DNMT3B: variants seen among roughly 807,000 people sequenced by gnomAD.
The protein encoded by DNMT3B is DNA (cytosine-5)-methyltransferase 3B.
In DNMT3B, 37 loss-of-function variants were observed where a neutral mutation model predicts 120.2. That is an observed-to-expected ratio of 0.31 (90% CI 0.24 to 0.40). DNMT3B has a LOEUF of 0.40. Among genes scored for constraint, DNMT3B ranks in the 10% least tolerant of loss-of-function variants. DNMT3B has a pLI of 1.00. For missense variants in DNMT3B, 878 were observed against 1,137.3 expected, an observed-to-expected ratio of 0.77 and a Z score of 3.28; for synonymous variants, 412 against 442.8, an observed-to-expected ratio of 0.93 and a Z score of 0.87.
chr20:32,790,855 G>T (rs1003324009), intron 7 of DNMT3B, among the ~76,000 whole-genome samples: 3 of 152,076 alleles, frequency 2.0e-5, no homozygotes, highest in Non-Finnish European at 4.4e-5. Context: ...GTAGAGATGG[G>T]GTCTTGCTGT....
chr20:32,797,129 G>A (rs977644018), intron 13 of DNMT3B, 58 bp from the exon 14 acceptor site: 203 of 1,607,844 alleles, frequency 1.3e-4, no homozygotes, highest in Middle Eastern at 4.9e-4. Context: ...CCAGCAAGCC[G>A]GCAGGGCCTG....
At chr20:32,795,757 G>T in intron 12 of DNMT3B, 63 bp downstream of exon 12, 1 of 1,602,876 alleles carries the variant, frequency 6.2e-7, no homozygotes, top group Non-Finnish European at 8.5e-7. Context: ...GGCCTGCCTT[G>T]TCCTGGCTCA....
rs557880997 is a variant in DNMT3B, at chr20:32,786,085, T to C, written c.307-417T>C. On this transcript the variant is annotated intron_variant, in intron 4 of 22. Transcript: ENST00000328111. ...TTTTAGTAGAGATGGGGTTTCACCA[T>C]TTTATCCAGGATGATCCTGAATTTC... Among the ~76,000 whole-genome samples the C allele has an allele frequency of 3.9e-5, 6 of 152,322 alleles. No homozygotes were observed. In the South Asian group the frequency reaches 1.0e-3, roughly 26 times the overall value.
At chr20:32,771,034 T>C (rs1381888151) in intron 1 of DNMT3B, among the ~76,000 whole-genome samples, 1 of 152,238 alleles carries the variant, frequency 6.6e-6, no homozygotes, top group African/African-American at 2.4e-5. Context: ...CATGAGCCAC[T>C]GTCCCTGGCA....
At chr20:32,797,096 G>A in intron 13 of DNMT3B, 91 bp from the exon 14 acceptor site, 1 of 1,605,240 alleles carries the variant, frequency 6.2e-7, no homozygotes, top group Non-Finnish European at 8.5e-7. Flanking sequence ...AGTGTGTTCT[G>A]CAGCTGTATC....
intron 1 of DNMT3B, among the ~76,000 whole-genome samples, chr20:32,774,848 A>C: frequency 6.6e-6 from 1 of 152,056 alleles, no homozygotes; most frequent in Middle Eastern, 3.4e-3. Context: ...CCTCCTGAGT[A>C]GCTGGGATTA....
At chr20:32,783,712 C>T (rs962268174) in intron 3 of DNMT3B, among the ~76,000 whole-genome samples, 2 of 151,910 alleles carry the variant, frequency 1.3e-5, no homozygotes, top group African/African-American at 4.8e-5. Flanking sequence ...CTCTTGCCCA[C>T]ACGTTTCTTT....
chr20:32,765,989 C>T (rs999144903), intron 1 of DNMT3B, among the ~76,000 whole-genome samples: 2 of 151,958 alleles, frequency 1.3e-5, no homozygotes, highest in Admixed American at 6.6e-5. Flanking sequence ...AATCTCCTGA[C>T]CTCCTGATCC....
chr20:32,796,793 G>C lies in DNMT3B; in HGVS notation c.1301G>C (p.Gly434Ala). 6.2e-7 allele frequency: 1 copy of C among 1,614,222 alleles called. No homozygotes were observed. Among genetic ancestry groups the C allele is most frequent in the Non-Finnish European group, 8.5e-7 (1 of 1,180,040 alleles). ...VANNKSSLEDGCLSCGRKNPV... is the reference protein window; with the variant it reads ...VANNKSSLEDACLSCGRKNPV... ...CACAACCCTGTTTTTCTTACAGATGGCTGTTTGTCTTGTGGCAGGAAAAAC... is the reference window on the plus strand; with the variant it reads ...CACAACCCTGTTTTTCTTACAGATGCCTGTTTGTCTTGTGGCAGGAAAAAC... Residue 434 changes from glycine to alanine, a missense_variant, in exon 13 of 23, where the codon GGC becomes GCC. This residue lies in a region of DNMT3B where 207 missense variants were observed against 222.6 expected (regional missense o/e 0.93). Coordinates refer to ENST00000328111, the MANE Select transcript of DNMT3B (RefSeq NM_006892.4).
Position 32,792,717 on chromosome 20 carries a change from GGGGCTTCAAGCCCACTGGGATCGA to G in DNMT3B, c.1018_1041del (p.Phe340_Gly347del), listed in dbSNP as rs1161510988. Reference sequence around the variant, plus strand: ...AAGCCCATGTTGGAGTGGGCCCACGGGGGCTTCAAGCCCACTGGGATCGAGGGCCTCAAACCCAACAACACGCAA... The same window carrying G: ...AAGCCCATGTTGGAGTGGGCCCACGGGGGCCTCAAACCCAACAACACGCAA... On this transcript the variant is annotated inframe_deletion, in exon 9 of 23. Coordinates refer to ENST00000328111, the MANE Select transcript of DNMT3B (RefSeq NM_006892.4). 6.2e-7 allele frequency: 1 copy of G among 1,614,220 alleles called. No individual in the cohort carries two copies. Among genetic ancestry groups the G allele is most frequent in the Admixed American group, 1.7e-5 (1 of 60,032 alleles).
At chr20:32,778,313 C>T (rs980876238) in intron 1 of DNMT3B, among the ~76,000 whole-genome samples, 6 of 150,498 alleles carry the variant, frequency 4.0e-5, no homozygotes, top group Admixed American at 1.3e-4. Flanking sequence ...TCCAGCCTGG[C>T]GGAGGTCGCA....
rs200921151 is a variant in DNMT3B at position 32,788,919 on chromosome 20, C to T, written c.720C>T (p.Pro240=). 1.8e-5 allele frequency: 29 copies of T among 1,614,028 alleles called. No individual in the cohort carries two copies. The Admixed American group carries it at 2.0e-4, about 11-fold the overall frequency. The change falls in exon 7 of 23, where the codon CCC becomes CCT. Residue 240 remains proline, a synonymous_variant. Transcript: ENST00000328111. The stretch of plus-strand genomic sequence containing the variant: ...AGATCAAGGGCTTCTCCTGGTGGCC[C>T]GCCATGGTGGTGTCTTGGAAGGCCA... ...WGKIKGFSWW[P]AMVVSWKATS... is the part of the protein sequence containing the mutation.
At chr20:32,789,170 A>G (rs1385377522) in intron 7 of DNMT3B, among the ~76,000 whole-genome samples, 158 bp downstream of exon 7, 2 of 152,244 alleles carry the variant, frequency 1.3e-5, no homozygotes, top group Non-Finnish European at 2.9e-5. Flanking sequence ...TTAACCAGCT[A>G]CAGCAGATTC....
chr20:32,766,856 A>C (rs1426931850), intron 1 of DNMT3B, among the ~76,000 whole-genome samples: 2 of 151,162 alleles, frequency 1.3e-5, no homozygotes, highest in African/African-American at 4.9e-5. Context: ...GGGATTATAG[A>C]CATGAGCCAA....
intron 16 of DNMT3B, 59 bp downstream of exon 16, chr20:32,799,387 G>T (rs1981048511): frequency 1.3e-6 from 2 of 1,568,048 alleles, no homozygotes; most frequent in South Asian, 1.2e-5. Context: ...TAGCCAGGGA[G>T]TCAGAAGGCA....
rs763129781 is a variant in DNMT3B, at chr20:32,795,438, G to A, written c.1156G>A (p.Asp386Asn). 3.7e-6 allele frequency: 6 copies of A among 1,613,956 alleles called. No homozygotes were observed. Among genetic ancestry groups the A allele is most frequent in the East Asian group, 4.5e-5 (2 of 44,888 alleles). ...ENKTRRRTAD[D>N]SATSDYCPAP... The stretch of plus-strand genomic sequence containing the variant: ...CAAGACTCGAAGACGCACAGCTGAC[G>A]ACTCAGCCACCTCTGACTACTGCCC... Residue 386 changes from aspartate to asparagine, a missense_variant, in exon 11 of 23, where the codon GAC (aspartate) becomes AAC (asparagine). Asp to Asn is a conservative substitution (Grantham distance 23). Coordinates refer to ENST00000328111, the MANE Select transcript of DNMT3B (RefSeq NM_006892.4).
intron 6 of DNMT3B, 136 bp from the exon 7 acceptor site, chr20:32,788,706 GAGAATTACAGGC>G: frequency 9.9e-7 from 1 of 1,012,020 alleles, no homozygotes; most frequent in Non-Finnish European, 1.5e-6. Context: ...CCAAAGTACT[GAGAATTACAGGC>G]ATGAACCACG....
At chr20:32,771,710 T>C (rs1168363469) in intron 1 of DNMT3B, among the ~76,000 whole-genome samples, 1 of 150,382 alleles carries the variant, frequency 6.6e-6, no homozygotes, top group Non-Finnish European at 1.5e-5. Context: ...ATTACATATA[T>C]ATGGGAAGTT....
chr20:32,801,047 T>C, intron 18 of DNMT3B, 122 bp downstream of exon 18: 1 of 1,286,900 alleles, frequency 7.8e-7, no homozygotes, highest in Non-Finnish European at 1.1e-6. Flanking sequence ...ATCAGGGGCC[T>C]GTTGGTGCTG....
Sources: allele counts gnomAD v4.1 joint callset (sites outside exome capture counted in the v4.1 genomes callset), GRCh38; gene constraint gnomAD v4.1.1; regional missense constraint gnomAD v4.1.1; transcripts MANE v1.5; gene names NCBI Gene and HGNC (gene_info 2026-07-23, HGNC 2026-07-21).